Variants in AGAP6 observed in about 807,000 individuals in gnomAD.
AGAP6 encodes the protein arf-GAP with GTPase, ANK repeat and PH domain-containing protein 6.
Under a neutral mutation model 63.9 loss-of-function variants are expected in AGAP6, and 29 were observed. The observed-to-expected ratio is 0.45, with a 90% confidence interval of 0.34 to 0.62. The LOEUF (loss-of-function observed/expected upper bound fraction) is 0.62. AGAP6 is among the 20% of genes least tolerant of loss of function. AGAP6 has a pLI of 0.01. For synonymous variants in AGAP6, 199 were observed against 332.9 expected (o/e 0.60, Z 4.38); for missense variants, 493 against 884.9 (o/e 0.56, Z 5.62).
At chr10:49,991,384 GT>G (rs781847792) in intron 2 of AGAP6, among the ~76,000 whole-genome samples, 52 of 114,046 alleles carry the variant, frequency 4.6e-4, no homozygotes, top group African/African-American at 8.7e-4. Context: ...TACCTCTTCT[GT>G]TTTTTTTTTT....
rs1554865745 is a variant in AGAP6 at position 50,010,388 on chromosome 10, TAGTCTC to T, written c.*205_*210del. On this transcript the variant is annotated 3_prime_UTR_variant, in exon 8 of 8. Transcript: ENST00000412531. Reference sequence around the variant, plus strand: ...TGTCCTTCTGCCAAGGTGGATTTGTTAGTCTCAGGCCCTCCTGGCCACATTGCCCAA... The same window carrying T: ...TGTCCTTCTGCCAAGGTGGATTTGTTAGGCCCTCCTGGCCACATTGCCCAA... 8.5e-7 allele frequency: 1 copy of T among 1,177,878 alleles called. No individual in the cohort carries two copies. The highest frequency in any genetic ancestry group is 1.2e-6 in the Non-Finnish European group (1 of 837,980). 73.0% of individuals were successfully genotyped at this position (1,177,878 alleles called of 1,614,324 possible).
At chr10:49,996,413 C>T (rs2132131734) in intron 4 of AGAP6, among the ~76,000 whole-genome samples, 1 of 152,130 alleles carries the variant, frequency 6.6e-6, no homozygotes, top group South Asian at 2.1e-4. Context: ...CCTTAGAAGC[C>T]TGACTAGCTT....
At chr10:49,992,762 C>CT (rs1309392430) in intron 3 of AGAP6, among the ~76,000 whole-genome samples, 61 of 145,178 alleles carry the variant, frequency 4.2e-4, no homozygotes, top group Admixed American at 5.5e-4. Flanking sequence ...AGGTACCACA[C>CT]TTTTTTTTTT....
At chr10:50,006,177 G>A in intron 6 of AGAP6, among the ~76,000 whole-genome samples, 1 of 152,038 alleles carries the variant, frequency 6.6e-6, no homozygotes, top group East Asian at 1.9e-4. Context: ...TCATGCATTA[G>A]TTACTTGGAA....
At chr10:50,001,930 T>C in intron 4 of AGAP6, 66 bp from the exon 5 acceptor site, 1 of 1,585,112 alleles carries the variant, frequency 6.3e-7, no homozygotes, top group African/African-American at 1.3e-5. Context: ...GCTTTGTCAT[T>C]TGACATTTTA....
rs782170231 is a variant in AGAP6 at position 50,009,661 on chromosome 10, C to G, written c.1536C>G (p.His512Gln). 6 of 1,614,228 alleles carry G rather than the reference C, an allele frequency of 3.7e-6. No homozygotes were observed. The Admixed American group carries it at 5.0e-5, about 13-fold the overall frequency. ...CSGIHRSLGP[H>Q]LSRVRSLELD... ...GTATCCACCGCAGTCTTGGCCCCCA[C>G]CTTTCCCGTGTGCGATCTCTGGAGC... The change falls in exon 8 of 8, where the codon CAC becomes CAG. Residue 512 changes from histidine (H) to glutamine (Q), a missense_variant. By Grantham distance (24) the His-to-Gln change is conservative. Transcript: ENST00000412531.
chr10:49,991,824 A>T (rs1841292259), intron 3 of AGAP6, 80 bp downstream of exon 3: 1 of 1,574,074 alleles, frequency 6.4e-7, no homozygotes. Flanking sequence ...ATTTAGAAAA[A>T]CTCATATTGG....
At position 50,002,002 on chromosome 10, in the gene AGAP6, G is replaced by C; in HGVS notation, c.403G>C (p.Ala135Pro). The C allele has an allele frequency of 1.9e-6, 3 of 1,612,922 alleles. No individual in the cohort carries two copies. Among genetic ancestry groups the C allele is most frequent in the Non-Finnish European group, 2.5e-6 (3 of 1,180,006 alleles). ...RRSNCTNHVS[A>P]VRFSQQYSLC... ...CAGTTCCCTTCCCCTTCAGGTATCT[G>C]CTGTGCGTTTCAGTCAACAATACAG... Residue 135 changes from alanine to proline, a missense_variant, in exon 5 of 8, where the codon GCT (alanine) becomes CCT (proline). Around this residue, in one of 7 missense-constraint regions of AGAP6, gnomAD observed 342 missense variants for 533.4 expected, o/e 0.64. Coordinates refer to ENST00000412531, the MANE Select transcript of AGAP6 (RefSeq NM_001077665.3).
chr10:49,999,575 C>A (rs1418344037), intron 4 of AGAP6, among the ~76,000 whole-genome samples: 1 of 125,340 alleles, frequency 8.0e-6, no homozygotes, highest in African/African-American at 3.2e-5. Flanking sequence ...TGCCCACTCT[C>A]ACCACTTGTA....
Position 50,001,977 on chromosome 10 carries a change from C to T in AGAP6, c.397-19C>T, listed in dbSNP as rs1841729969. 1.2e-6 allele frequency: 2 copies of T among 1,611,330 alleles called. No homozygotes were observed. On this transcript the variant is annotated intron_variant, in intron 4 of 7. Coordinates refer to ENST00000412531, the MANE Select transcript of AGAP6 (RefSeq NM_001077665.3). ...AATACACTTTGATAAGTTTGACTTA[C>T]AGTTCCCTTCCCCTTCAGGTATCTG...
chr10:49,994,255 A>G (rs1437481030), intron 3 of AGAP6, 140 bp from the exon 4 acceptor site: 26 of 1,011,110 alleles, frequency 2.6e-5, no homozygotes, highest in Non-Finnish European at 3.4e-5. Context: ...CAGATAATTT[A>G]AATTATAAAT....
rs782631698 is a variant in AGAP6, at chr10:50,008,915, A to G, written c.790A>G (p.Lys264Glu). 2.1e-6 allele frequency: 2 copies of G among 937,902 alleles called. No homozygotes were observed. The highest frequency in any genetic ancestry group is 1.6e-5 in the South Asian group (1 of 62,206). The allele number at this position is 937,902 out of a possible 1,614,324, so 58.1% of individuals were successfully genotyped here. ...FTSEKGSDPD[K>E]ERKAPENHAD... ...ATCTGAGAAAGGGAGTGACCCAGAC[A>G]AAGAGAGGAAAGCCCCGGAGAATCA... The change falls in exon 8 of 8, where the codon AAA (lysine) becomes GAA (glutamate). Residue 264 changes from lysine (K) to glutamate (E), a missense_variant. Lys to Glu is a moderately conservative substitution (Grantham distance 56). Coordinates refer to ENST00000412531, the MANE Select transcript of AGAP6 (RefSeq NM_001077665.3).
rs781804117 is a variant in AGAP6, at chr10:50,009,786, C to G, written c.1661C>G (p.Pro554Arg). 3 of 1,613,864 alleles carry G rather than the reference C, an allele frequency of 1.9e-6. No individual in the cohort carries two copies. The highest frequency in any genetic ancestry group is 2.5e-6 in the Non-Finnish European group (3 of 1,179,962). The change falls in exon 8 of 8, where the codon CCC becomes CGC. Residue 554 changes from proline to arginine, a missense_variant. By Grantham distance (103) the Pro-to-Arg change is moderately radical. Transcript: ENST00000412531. ...WEGSSQGQTK[P>R]SEKSTREEKE... The stretch of plus-strand genomic sequence containing the variant: ...GGGAGCAGCCAGGGGCAGACAAAAC[C>G]CTCAGAAAAGTCCACGAGGGAAGAG...
At chr10:49,992,629 A>G (rs1841325270) in intron 3 of AGAP6, among the ~76,000 whole-genome samples, 1 of 152,218 alleles carries the variant, frequency 6.6e-6, no homozygotes, top group Non-Finnish European at 1.5e-5. Flanking sequence ...TTCAGGCTGT[A>G]CAAACATGGC....
At chr10:50,002,237 G>A (rs1300263281) in intron 5 of AGAP6, 141 bp downstream of exon 5, 6 of 786,868 alleles carry the variant, frequency 7.6e-6, no homozygotes, top group Admixed American at 3.6e-5. Context: ...TTAAGTATCA[G>A]TTTCTCTTTT....
chr10:49,996,069 A>G (rs1411088853), intron 4 of AGAP6, among the ~76,000 whole-genome samples: 5 of 151,500 alleles, frequency 3.3e-5, no homozygotes, highest in Non-Finnish European at 7.4e-5. Context: ...TTTTTTACTG[A>G]TAGTCTTGTT....
At position 49,988,925 on chromosome 10, in the gene AGAP6, G is replaced by A; in HGVS notation, c.210G>A (p.Arg70=). The A allele has an allele frequency of 6.2e-7, 1 of 1,601,318 alleles. No homozygotes were observed. Among genetic ancestry groups the A allele is most frequent in the Non-Finnish European group, 8.5e-7 (1 of 1,179,298 alleles). ...EDLHMHHVRD[R]EMPEALEFNL... ...TCCACATGCACCACGTTCGTGACCG[G>A]GAGATGCCTGAAGGTGAGGAGGTGA... is the stretch of plus-strand genomic sequence containing the variant. Residue 70 remains arginine, a synonymous_variant, in exon 1 of 8, where the codon CGG becomes CGA. Transcript: ENST00000412531.
chr10:50,002,086 A>G lies in AGAP6; in HGVS notation c.487A>G (p.Thr163Ala), dbSNP rs1306383864. The change falls in exon 5 of 8, where the codon ACA becomes GCA. Residue 163 changes from threonine to alanine, a missense_variant. Transcript: ENST00000412531. ...STAIQHYLTM[T>A]IISVTLEIPH... Reference sequence around the variant, plus strand: ...AGCCATCCAGCATTATCTTACAATGACAATAATATCGTGAGTACAACTATG... The same window carrying G: ...AGCCATCCAGCATTATCTTACAATGGCAATAATATCGTGAGTACAACTATG... 6.2e-7 allele frequency: 1 copy of G among 1,608,094 alleles called. No individual in the cohort carries two copies. Among genetic ancestry groups the G allele is most frequent in the African/African-American group, 1.3e-5 (1 of 74,380 alleles).
intron 4 of AGAP6, among the ~76,000 whole-genome samples, chr10:50,001,158 G>T (rs1332961409): frequency 4.0e-5 from 6 of 148,532 alleles, no homozygotes; most frequent in Admixed American, 4.0e-4. Context: ...GTGAAACCCC[G>T]TCTCTACTAA....
Sources: allele counts gnomAD v4.1 joint callset (sites outside exome capture counted in the v4.1 genomes callset), GRCh38; gene constraint gnomAD v4.1.1; regional missense constraint gnomAD v4.1.1; transcripts MANE v1.5; gene names NCBI Gene and HGNC (gene_info 2026-07-23, HGNC 2026-07-21).